Variants in MYO1D observed in about 807,000 individuals in gnomAD.
MYO1D encodes myosin ID.
In MYO1D, 83 loss-of-function variants were observed where a neutral mutation model predicts 122.0. The ratio of observed to expected loss-of-function variants is 0.68; its 90% confidence interval spans 0.57 to 0.82. The LOEUF is 0.82. Among genes scored for constraint, MYO1D ranks in the 40% least tolerant of loss-of-function variants. The probability of loss-of-function intolerance (pLI) is 0.00; values close to 1 mark genes in which losing one functional copy is unlikely to be tolerated. For missense variants in MYO1D, 1,157 were observed against 1,269.5 expected (o/e 0.91, Z 1.35); for synonymous variants, 464 against 446.9 (o/e 1.04, Z -0.48).
intron 21 of MYO1D, among the ~76,000 whole-genome samples, chr17:32,513,142 T>C (rs758693134): frequency 2.0e-5 from 3 of 151,884 alleles, no homozygotes; most frequent in Non-Finnish European, 2.9e-5. Context: ...TAAAAGAGGG[T>C]GTGGTATACA....
At chr17:32,782,495 T>C (rs2090249227) in intron 1 of MYO1D, among the ~76,000 whole-genome samples, 1 of 152,256 alleles carries the variant, frequency 6.6e-6, no homozygotes, top group Non-Finnish European at 1.5e-5. Flanking sequence ...ATTGAATAAG[T>C]ACTTTTTAAA....
rs146175770 is a variant in MYO1D at position 32,654,575 on chromosome 17, G to A, written c.2392C>T (p.Pro798Ser). Residue 798 changes from proline (P) to serine (S), a missense_variant, in exon 18 of 22, where the codon CCC becomes TCC. Coordinates refer to ENST00000318217, the MANE Select transcript of MYO1D (RefSeq NM_015194.3). ...GCTGCAACCTTTGCCCTGACCTGGG[G>A]CAGGTCTGAGGCCGGAATGCTCTTG... Reference protein sequence around the residue: ...LIKSIPASDLPQVRAKVAAVE... With the variant: ...LIKSIPASDLSQVRAKVAAVE... The A allele has an allele frequency of 8.7e-5, 140 of 1,613,854 alleles. No individual in the cohort carries two copies. The African/African-American group carries it at 1.7e-3, about 20-fold the overall frequency.
chr17:32,842,386 G>T (rs2090891273), intron 1 of MYO1D, among the ~76,000 whole-genome samples: 1 of 152,162 alleles, frequency 6.6e-6, no homozygotes. Context: ...GTGGACAGGG[G>T]TCACTTAGGA....
chr17:32,666,594 G>T (rs2088638176), intron 16 of MYO1D, among the ~76,000 whole-genome samples: 1 of 152,168 alleles, frequency 6.6e-6, no homozygotes, highest in Non-Finnish European at 1.5e-5. Context: ...GCAAAAAAAA[G>T]TAGGATTCTA....
intron 1 of MYO1D, among the ~76,000 whole-genome samples, chr17:32,793,733 T>C (rs796604848): frequency 3.3e-5 from 5 of 152,048 alleles, no homozygotes; most frequent in African/African-American, 1.2e-4. Context: ...GAGGAAAGGG[T>C]GTATTGATTA....
At chr17:32,872,792 G>A (rs2091193299) in intron 1 of MYO1D, among the ~76,000 whole-genome samples, 1 of 150,782 alleles carries the variant, frequency 6.6e-6, no homozygotes, top group Non-Finnish European at 1.5e-5. Context: ...CGCTTCCCGG[G>A]TTCACGCCAT....
chr17:32,506,444 A>G (rs1567869967), intron 21 of MYO1D, among the ~76,000 whole-genome samples: 1 of 152,090 alleles, frequency 6.6e-6, no homozygotes, highest in Admixed American at 6.5e-5. Flanking sequence ...CAGTGCAAAA[A>G]AATTATAATA....
At chr17:32,613,159 GT>G (rs11462118) in intron 20 of MYO1D, among the ~76,000 whole-genome samples, 5 of 151,456 alleles carry the variant, frequency 3.3e-5, no homozygotes, top group Non-Finnish European at 7.4e-5. Context: ...CTAGCAAAAA[GT>G]TTTTTTTTAG....
intron 20 of MYO1D, among the ~76,000 whole-genome samples, chr17:32,611,629 A>T (rs561114350): frequency 7.9e-5 from 12 of 152,346 alleles, no homozygotes; most frequent in African/African-American, 2.6e-4. Flanking sequence ...ACTTGAGGTC[A>T]GGAGTTTGAG....
At chr17:32,845,226 A>AT in intron 1 of MYO1D, among the ~76,000 whole-genome samples, 1 of 152,138 alleles carries the variant, frequency 6.6e-6, no homozygotes, top group Non-Finnish European at 1.5e-5. Context: ...TTCGTCTTCA[A>AT]TTTTCACTAG....
At chr17:32,706,465 G>A (rs989631487) in intron 16 of MYO1D, among the ~76,000 whole-genome samples, 7 of 152,078 alleles carry the variant, frequency 4.6e-5, no homozygotes, top group African/African-American at 1.4e-4. Context: ...CAGGTTCTCA[G>A]ATATTAAAAT....
intron 16 of MYO1D, among the ~76,000 whole-genome samples, chr17:32,687,424 C>T (rs1337766464): frequency 3.9e-5 from 6 of 152,146 alleles, no homozygotes; most frequent in Admixed American, 2.6e-4. Flanking sequence ...GTCTCGATCT[C>T]CTGACCTCAT....
intron 21 of MYO1D, among the ~76,000 whole-genome samples, chr17:32,501,252 G>A (rs367713981): frequency 6.6e-6 from 1 of 152,142 alleles, no homozygotes; most frequent in African/African-American, 2.4e-5. Flanking sequence ...TTCCTAGCTC[G>A]TATCTCCCAT....
chr17:32,689,214 T>C (rs2150972729), intron 16 of MYO1D, among the ~76,000 whole-genome samples: 1 of 152,048 alleles, frequency 6.6e-6, no homozygotes, highest in African/African-American at 2.4e-5. Flanking sequence ...ATGAATACAG[T>C]ACTTTGTTTG....
chr17:32,680,691 A>G (rs2150966592), intron 16 of MYO1D, among the ~76,000 whole-genome samples: 1 of 151,770 alleles, frequency 6.6e-6, no homozygotes, highest in Non-Finnish European at 1.5e-5. Context: ...TTTTGCATCA[A>G]TGTTCATCAA....
intron 5 of MYO1D, 73 bp downstream of exon 5, chr17:32,772,710 GGGGAAA>G: frequency 8.2e-7 from 1 of 1,222,054 alleles, no homozygotes; most frequent in South Asian, 1.2e-5. Context: ...GCATAGGACA[GGGGAAA>G]GCCCAAGACA....
intron 20 of MYO1D, among the ~76,000 whole-genome samples, chr17:32,625,455 T>G (rs561560789): frequency 9.9e-5 from 15 of 152,276 alleles, no homozygotes; most frequent in Admixed American, 7.8e-4. Flanking sequence ...CTGGGATTCT[T>G]ACAGTGATTG....
chr17:32,677,547 C>T (rs1463189094), intron 16 of MYO1D, among the ~76,000 whole-genome samples: 1 of 148,670 alleles, frequency 6.7e-6, no homozygotes, highest in African/African-American at 2.5e-5. Context: ...TAAAAAGTCA[C>T]TGGGAAGTCA....
At chr17:32,822,482 GC>G (rs903908725) in intron 1 of MYO1D, among the ~76,000 whole-genome samples, 2 of 147,866 alleles carry the variant, frequency 1.4e-5, no homozygotes, top group African/African-American at 5.0e-5. Context: ...GGGGCGGGGG[GC>G]GCGCGTCCCC....
Sources: gnomAD v4.1 joint callset for allele counts (sites outside exome capture counted in the v4.1 genomes callset) on GRCh38, gnomAD v4.1.1 for gene constraint, MANE v1.5 for transcripts, NCBI Gene and HGNC (gene_info 2026-07-23, HGNC 2026-07-21) for gene names.